Variants in ABCB11 observed in about 807,000 individuals in gnomAD.
ABCB11 encodes ATP binding cassette subfamily B member 11, also known as bile salt export pump.
A neutral mutation model predicts 148.0 loss-of-function variants in ABCB11; 95 were observed. The observed-to-expected ratio is 0.64, with a 90% confidence interval of 0.54 to 0.76. The LOEUF is 0.76. ABCB11 is among the 30% of genes least tolerant of loss of function. The probability of loss-of-function intolerance (pLI) is 0.00; values close to 1 mark genes in which losing one functional copy is unlikely to be tolerated. For missense variants in ABCB11, 1,523 were observed against 1,617.8 expected, an observed-to-expected ratio of 0.94 and a Z score of 1.01; for synonymous variants, 591 against 555.4, an observed-to-expected ratio of 1.06 and a Z score of -0.90.
At chr2:168,990,560 G>A (rs6713587) in intron 9 of ABCB11, among the ~76,000 whole-genome samples, 3 of 152,040 alleles carry the variant, frequency 2.0e-5, no homozygotes, top group African/African-American at 4.8e-5. Flanking sequence ...TATCTACCCT[G>A]AGCTGGCTTT....
intron 21 of ABCB11, 65 bp downstream of exon 21, chr2:168,944,540 A>T: frequency 6.7e-7 from 1 of 1,489,254 alleles, no homozygotes; most frequent in Non-Finnish European, 9.0e-7. Context: ...GGTGATTGTC[A>T]GAATGCTCTA....
chr2:168,916,233 G>A (rs932608028), downstream of ABCB11, among the ~76,000 whole-genome samples: 4 of 152,136 alleles, frequency 2.6e-5, no homozygotes, highest in African/African-American at 4.8e-5. Flanking sequence ...CACCCTTAGC[G>A]AACATTTCCA....
chr2:168,923,849 G>C lies in ABCB11; in HGVS notation c.3766-27C>G, dbSNP rs753247557. 3.7e-6 allele frequency: 6 copies of C among 1,609,640 alleles called. No homozygotes were observed. The African/African-American group carries it at 8.0e-5, about 22-fold the overall frequency. On this transcript the variant is annotated intron_variant, in intron 27 of 27. Transcript: ENST00000650372. ...TGCAAAGAGAAGATGGAAAGTTGATGCAAAGATGCATGATTGCTCCCCAGC... is the reference window on the plus strand; with the variant it reads ...TGCAAAGAGAAGATGGAAAGTTGATCCAAAGATGCATGATTGCTCCCCAGC...
chr2:169,016,381 A>G (rs1177017873), intron 3 of ABCB11, among the ~76,000 whole-genome samples: 7 of 152,204 alleles, frequency 4.6e-5, no homozygotes, highest in Admixed American at 4.6e-4. Context: ...TATGTGTTCT[A>G]TATGAGAATT....
chr2:168,917,886 G>A (rs1690971822), downstream of ABCB11, among the ~76,000 whole-genome samples: 2 of 152,180 alleles, frequency 1.3e-5, no homozygotes, highest in Admixed American at 1.3e-4. Flanking sequence ...GAGCTAACAT[G>A]TGCTGTAAAT....
At position 168,936,344 on chromosome 2, in the gene ABCB11, C is replaced by G. The variant is rs371263629; in HGVS notation, c.2700G>C (p.Leu900=). The G allele has an allele frequency of 3.7e-6, 6 of 1,613,936 alleles. No homozygotes were observed. Among genetic ancestry groups the G allele is most frequent in the Admixed American group, 1.7e-5 (1 of 60,010 alleles). The change falls in exon 22 of 28, where the codon CTG becomes CTC. Residue 900 remains leucine (L), a synonymous_variant. Transcript: ENST00000650372. ...GGAAGAAGCACAAGATGACCAGGCT[C>G]AGCTTCCAGCTAAAGGAGAAGGCAA... is the stretch of plus-strand genomic sequence containing the variant. ...MIIAFSFSWK[L]SLVILCFFPF...
chr2:168,996,816 A>G, intron 5 of ABCB11, 94 bp from the exon 6 acceptor site: 1 of 300,906 alleles, frequency 3.3e-6, no homozygotes, highest in Admixed American at 5.2e-5. Context: ...AAAAATATAT[A>G]TATTTTAAAT....
intron 19 of ABCB11, among the ~76,000 whole-genome samples, chr2:168,951,735 T>G (rs1692579444): frequency 6.6e-6 from 1 of 151,656 alleles, no homozygotes; most frequent in Admixed American, 6.6e-5. Flanking sequence ...TGCATGCCTT[T>G]TATTTTTTTT....
intron 1 of ABCB11, among the ~76,000 whole-genome samples, chr2:169,024,471 T>C (rs1391073389): frequency 2.5e-5 from 3 of 121,750 alleles, no homozygotes; most frequent in Non-Finnish European, 5.6e-5. Flanking sequence ...GTGAAGATGG[T>C]ACAAAATTCC....
At chr2:168,974,295 A>T (rs1017746062) in intron 12 of ABCB11, among the ~76,000 whole-genome samples, 2 of 152,050 alleles carry the variant, frequency 1.3e-5, no homozygotes, top group Non-Finnish European at 2.9e-5. Context: ...GCCGTCCGTC[A>T]TGTGTATGGT....
At chr2:169,001,597 G>A (rs1312946010) in intron 5 of ABCB11, among the ~76,000 whole-genome samples, 3 of 152,148 alleles carry the variant, frequency 2.0e-5, no homozygotes, top group African/African-American at 7.2e-5. Flanking sequence ...GTGTGGAAGA[G>A]TCTATGCTCC....
At chr2:168,925,377 T>G (rs2105878332) in intron 26 of ABCB11, among the ~76,000 whole-genome samples, 1 of 152,354 alleles carries the variant, frequency 6.6e-6, no homozygotes, top group South Asian at 2.1e-4. Flanking sequence ...TTGTGAGTTT[T>G]AGAGAAAATT....
chr2:169,017,761 A>G (rs1695407495), intron 2 of ABCB11, among the ~76,000 whole-genome samples: 1 of 152,136 alleles, frequency 6.6e-6, no homozygotes, highest in Admixed American at 6.6e-5. Context: ...ACAGGACTAA[A>G]GGTAGTCATA....
At chr2:169,026,755 C>T (rs529927920) in intron 1 of ABCB11, among the ~76,000 whole-genome samples, 8 of 152,242 alleles carry the variant, frequency 5.3e-5, no homozygotes, top group Admixed American at 4.6e-4. Flanking sequence ...GAGGACATGG[C>T]TGCCAGTCTC....
Position 168,923,527 on chromosome 2 carries a change from C to A in ABCB11, c.*95G>T. On this transcript the variant is annotated 3_prime_UTR_variant, in exon 28 of 28. Coordinates refer to ENST00000650372, the MANE Select transcript of ABCB11 (RefSeq NM_003742.4). ...TTAACATTCTTCTTTAAAGAAAAAA[C>A]AATCCCAGCAATCCCTCCTGCTGGG... 8.9e-7 allele frequency: 1 copy of A among 1,118,326 alleles called. No homozygotes were observed. Among genetic ancestry groups the A allele is most frequent in the Non-Finnish European group, 1.3e-6 (1 of 770,108 alleles). The allele number at this position is 1,118,326 out of a possible 1,614,324, so 69.3% of individuals were successfully genotyped here. A position where few individuals can be genotyped will look rare whatever the true frequency, so the allele number is the denominator to read the frequency against.
At chr2:168,981,275 C>A (rs1033055677) in intron 10 of ABCB11, among the ~76,000 whole-genome samples, 2 of 152,100 alleles carry the variant, frequency 1.3e-5, no homozygotes, top group African/African-American at 4.8e-5. Flanking sequence ...GCCAGGGCTG[C>A]CATACATGGG....
chr2:168,988,923 G>T (rs1694421997), intron 9 of ABCB11, among the ~76,000 whole-genome samples: 2 of 151,892 alleles, frequency 1.3e-5, no homozygotes, highest in African/African-American at 4.8e-5. Flanking sequence ...GTTTCTATTT[G>T]TATGTTTTCT....
rs551685978 is a variant in ABCB11 at position 168,968,376 on chromosome 2, C to T, written c.2075+51G>A. 3.3e-6 allele frequency: 5 copies of T among 1,533,860 alleles called. No homozygotes were observed. In the African/African-American group the frequency reaches 5.5e-5, roughly 17 times the overall value. On this transcript the variant is annotated intron_variant, in intron 17 of 27. Transcript: ENST00000650372. ...CTCTGAGGATTAGGACTACAGAGGACTCCTCAGAATATTTGGAAAGCTTGT... is the reference window on the plus strand; with the variant it reads ...CTCTGAGGATTAGGACTACAGAGGATTCCTCAGAATATTTGGAAAGCTTGT...
At position 168,921,863 on chromosome 2, in the gene ABCB11, CTTTTT is replaced by C. The variant is rs58414999; in HGVS notation, c.*1754_*1758del. Among the ~76,000 whole-genome samples the C allele has an allele frequency of 2.4e-5, 3 of 123,898 alleles. No individual in the cohort carries two copies. Among genetic ancestry groups the C allele is most frequent in the Admixed American group, 8.0e-5 (1 of 12,468 alleles). 81.3% of individuals were successfully genotyped at this position (123,898 alleles called of 152,430 possible). ...CTTGACCTCTTTTCTTTTTCTTTTT[CTTTTT>C]TTTTTTTTTTCGCTCTGTCGCCCAG... On this transcript the variant is annotated 3_prime_UTR_variant, in exon 28 of 28. Transcript: ENST00000650372.
Sources: gnomAD v4.1 joint callset for allele counts (sites outside exome capture counted in the v4.1 genomes callset) on GRCh38, gnomAD v4.1.1 for gene constraint, MANE v1.5 for transcripts, NCBI Gene and HGNC (gene_info 2026-07-23, HGNC 2026-07-21) for gene names.